DPP10: variants seen among roughly 807,000 people sequenced by gnomAD.
The protein encoded by DPP10 is inactive dipeptidyl peptidase 10.
In DPP10, 33 loss-of-function variants were observed where a neutral mutation model predicts 120.9. The ratio of observed to expected loss-of-function variants is 0.27; its 90% CI spans 0.21 to 0.37. DPP10 has a LOEUF of 0.37. Among genes scored for constraint, DPP10 ranks in the 10% least tolerant of loss-of-function variants. The pLI is 1.00. For missense variants in DPP10, 816 were observed against 942.8 expected (o/e 0.87, Z 1.76); for synonymous variants, 337 against 326.1 (o/e 1.03, Z -0.36).
At chr2:114,545,561 T>TAAGAA (rs1687323905) in intron 1 of DPP10, among the ~76,000 whole-genome samples, 2 of 152,238 alleles carry the variant, frequency 1.3e-5, no homozygotes, top group African/African-American at 4.8e-5. Flanking sequence ...TGATGAGTAC[T>TAAGAA]TCTCATGCAG....
chr2:115,368,501 T>C (rs918579160), intron 3 of DPP10, among the ~76,000 whole-genome samples: 1 of 152,118 alleles, frequency 6.6e-6, no homozygotes, highest in Non-Finnish European at 1.5e-5. Context: ...CAATGTATTA[T>C]TTATTCCACA....
intron 3 of DPP10, among the ~76,000 whole-genome samples, chr2:115,489,808 C>A (rs2076005274): frequency 1.3e-5 from 2 of 152,034 alleles, no homozygotes; most frequent in Admixed American, 1.3e-4. Context: ...GTAACCAGAC[C>A]TTCCCTTTCC....
intron 1 of DPP10, among the ~76,000 whole-genome samples, chr2:115,013,555 C>A (rs909258545): frequency 1.3e-5 from 2 of 148,302 alleles, no homozygotes; most frequent in Non-Finnish European, 1.5e-5. Context: ...TGCTAAGAGT[C>A]AAACACATCG....
chr2:114,631,667 T>G (rs935917374), intron 1 of DPP10, among the ~76,000 whole-genome samples: 3 of 152,206 alleles, frequency 2.0e-5, no homozygotes, highest in Non-Finnish European at 2.9e-5. Flanking sequence ...TCATTTAAAC[T>G]AAATCATACA....
chr2:114,924,061 A>T (rs1695412010), intron 1 of DPP10, among the ~76,000 whole-genome samples: 1 of 152,080 alleles, frequency 6.6e-6, no homozygotes, highest in Non-Finnish European at 1.5e-5. Flanking sequence ...AAATATAAGC[A>T]TTGCCATGCT....
intron 3 of DPP10, among the ~76,000 whole-genome samples, chr2:115,438,188 A>T (rs149371751): frequency 0.011 from 1,699 of 152,216 alleles, 33 homozygotes; most frequent in African/African-American, 0.039. Flanking sequence ...ATGAGACACC[A>T]CTTCACATTC....
chr2:115,688,774 G>A, intron 5 of DPP10, among the ~76,000 whole-genome samples: 1 of 152,022 alleles, frequency 6.6e-6, no homozygotes, highest in East Asian at 1.9e-4. Context: ...AATTTAATGG[G>A]TCATGAGTTC....
chr2:114,532,276 T>TAC, intron 1 of DPP10, among the ~76,000 whole-genome samples: 1 of 52,276 alleles, frequency 1.9e-5, no homozygotes, highest in Admixed American at 1.8e-4. Flanking sequence ...TATATATATA[T>TAC]ATATATATAT....
intron 1 of DPP10, among the ~76,000 whole-genome samples, chr2:115,249,184 A>T (rs2058655577): frequency 6.6e-6 from 1 of 152,122 alleles, no homozygotes; most frequent in South Asian, 2.1e-4. Context: ...TGAATCTGAC[A>T]CAGTGTCTAT....
intron 21 of DPP10, among the ~76,000 whole-genome samples, chr2:115,831,987 C>T (rs926581350): frequency 5.9e-5 from 9 of 152,174 alleles, no homozygotes; most frequent in Non-Finnish European, 1.0e-4. Flanking sequence ...CTCTAATTTA[C>T]TACAGACGAT....
intron 1 of DPP10, among the ~76,000 whole-genome samples, chr2:114,458,129 ATCT>A (rs150107447): frequency 0.057 from 8,743 of 152,206 alleles, 811 homozygotes; most frequent in African/African-American, 0.2. Flanking sequence ...CAGAACAGTC[ATCT>A]TCTTGCCTCC....
At chr2:114,759,762 T>C (rs1439788835) in intron 1 of DPP10, among the ~76,000 whole-genome samples, 1 of 130,484 alleles carries the variant, frequency 7.7e-6, no homozygotes, top group Admixed American at 9.4e-5. Flanking sequence ...CCCAAGTATA[T>C]GCGATTAGAC....
In DPP10 at chr2:114,689,865, C is replaced by A. The variant is rs190366846; in HGVS notation, c.60+247027C>A. ...CTTTTTTTTTCATATGTTGGTTGGC[C>A]GCGTGTATGTCTTCTTTTGAGAAGT... On this transcript the variant is annotated intron_variant, in intron 1 of 25. Coordinates refer to ENST00000410059, the MANE Select transcript of DPP10 (RefSeq NM_020868.6). Among the ~76,000 whole-genome samples, 29 of 151,438 alleles carry A rather than the reference C, an allele frequency of 1.9e-4. No individual in the cohort carries two copies. In the East Asian group the frequency reaches 2.9e-3, roughly 15 times the overall value.
chr2:114,805,449 T>G (rs1185623194), intron 1 of DPP10, among the ~76,000 whole-genome samples: 1 of 152,132 alleles, frequency 6.6e-6, no homozygotes, highest in Admixed American at 6.5e-5. Context: ...GGGCAACTTC[T>G]CCTCTTAACT....
intron 1 of DPP10, among the ~76,000 whole-genome samples, chr2:114,887,198 T>C (rs1392690907): frequency 6.6e-6 from 1 of 152,174 alleles, no homozygotes; most frequent in Non-Finnish European, 1.5e-5. Flanking sequence ...TTCCAAACAC[T>C]TTGGATATTG....
intron 1 of DPP10, among the ~76,000 whole-genome samples, chr2:114,864,125 C>T (rs984356420): frequency 2.6e-5 from 4 of 152,270 alleles, no homozygotes; most frequent in Admixed American, 1.3e-4. Flanking sequence ...ACAGAAATGT[C>T]GAATACAGAT....
intron 1 of DPP10, among the ~76,000 whole-genome samples, chr2:115,033,537 C>T (rs1703996515): frequency 6.6e-6 from 1 of 152,100 alleles, no homozygotes; most frequent in Non-Finnish European, 1.5e-5. Flanking sequence ...ACTTGGCCTC[C>T]ATTTCCACTC....
At chr2:115,413,750 C>G (rs1038484983) in intron 3 of DPP10, among the ~76,000 whole-genome samples, 1 of 152,128 alleles carries the variant, frequency 6.6e-6, no homozygotes, top group African/African-American at 2.4e-5. Context: ...GCCTAGTTTC[C>G]GAGTCAAAGC....
intron 4 of DPP10, among the ~76,000 whole-genome samples, chr2:115,524,661 T>G (rs186921372): frequency 1.9e-3 from 293 of 152,272 alleles, no homozygotes; most frequent in Middle Eastern, 6.8e-3. Flanking sequence ...TCTAAACTTG[T>G]AATCGCATGA....
Sources: allele counts gnomAD v4.1 joint callset (sites outside exome capture counted in the v4.1 genomes callset), GRCh38; gene constraint gnomAD v4.1.1; transcripts MANE v1.5; gene names NCBI Gene and HGNC (gene_info 2026-07-23, HGNC 2026-07-21).